Variants in PMP22 observed in about 807,000 individuals in gnomAD.
The protein encoded by PMP22 is Charcot-Marie-Tooth neuropathy 1A (greatly reduced nerve conduction velocity, hereditary motor sensory neuropathy Ia).
A neutral mutation model predicts 18.9 loss-of-function variants in PMP22; 2 were observed. The ratio of observed to expected loss-of-function variants is 0.11; its 90% confidence interval spans 0.04 to 0.33. The LOEUF is 0.33. Among genes scored for constraint, PMP22 ranks in the 10% least tolerant of loss-of-function variants. The pLI, the probability that PMP22 is intolerant of heterozygous loss-of-function variation, is 1.00. For missense variants in PMP22, 169 were observed against 202.2 expected (o/e 0.84, Z 1.00); for synonymous variants, 95 against 89.2 (o/e 1.07, Z -0.37).
At position 15,260,653 on chromosome 17, in the gene PMP22, G is replaced by A; in HGVS notation, c.75C>T (p.Val25=). ...VLVLLFVSTI[V]SQWIVGNGHA... ...AGCCTCCCCGCCAGGCACTCACGCT[G>A]ACGATCGTGGAGACGAACAGCAGCA... The change falls in exon 2 of 5, where the codon GTC becomes GTT. Residue 25 remains valine, a synonymous_variant. Transcript: ENST00000312280. 2 of 1,552,010 alleles carry A rather than the reference G, an allele frequency of 1.3e-6. No homozygotes were observed. The highest frequency in any genetic ancestry group is 1.2e-5 in the South Asian group (1 of 84,074).
intron 4 of PMP22, chr17:15,235,333 T>C: frequency 1.4e-6 from 1 of 717,362 alleles, no homozygotes; most frequent in Non-Finnish European, 2.6e-6. Flanking sequence ...AATAGTTTTA[T>C]TCAGGCTCCT....
At chr17:15,252,867 G>A (rs1034240556) in intron 3 of PMP22, among the ~76,000 whole-genome samples, 3 of 152,190 alleles carry the variant, frequency 2.0e-5, no homozygotes, top group Admixed American at 2.0e-4. Flanking sequence ...GGGCAAGCCA[G>A]GACTGTGCCC....
chr17:15,257,560 G>A (rs1908949783), intron 3 of PMP22, among the ~76,000 whole-genome samples: 1 of 152,226 alleles, frequency 6.6e-6, no homozygotes, highest in African/African-American at 2.4e-5. Flanking sequence ...CCCATCCGGA[G>A]TGCTCCGGGA....
chr17:15,259,046 G>T, intron 3 of PMP22, 48 bp downstream of exon 3: 1 of 1,339,634 alleles, frequency 7.5e-7, no homozygotes, highest in Non-Finnish European at 1.1e-6. Context: ...TGAGAAACGT[G>T]TTACAGGCGT....
chr17:15,260,629 G>A (rs944347750), intron 2 of PMP22, 21 bp downstream of exon 2: 2 of 1,546,652 alleles, frequency 1.3e-6, no homozygotes, highest in Non-Finnish European at 1.8e-6. Flanking sequence ...CGCGCAGGGA[G>A]CCTCCCCGCC....
At chr17:15,263,967 A>G (rs1567721782) in intron 1 of PMP22, among the ~76,000 whole-genome samples, 1 of 152,122 alleles carries the variant, frequency 6.6e-6, no homozygotes, top group Non-Finnish European at 1.5e-5. Flanking sequence ...AATTTGGGCA[A>G]TTTCTCAAGT....
chr17:15,231,817 A>T (rs559839085), intron 4 of PMP22, among the ~76,000 whole-genome samples: 55 of 152,306 alleles, frequency 3.6e-4, no homozygotes, highest in Non-Finnish European at 6.8e-4. Context: ...AGGGCACTGG[A>T]TATGCAGGTG....
intron 3 of PMP22, among the ~76,000 whole-genome samples, chr17:15,250,699 G>A (rs1373008807): frequency 6.6e-6 from 1 of 152,138 alleles, no homozygotes; most frequent in Admixed American, 6.5e-5. Context: ...CCTGTCATGA[G>A]ACCTGTTTTC....
intron 3 of PMP22, among the ~76,000 whole-genome samples, chr17:15,243,151 A>C (rs1907498588): frequency 6.6e-6 from 1 of 152,196 alleles, no homozygotes; most frequent in African/African-American, 2.4e-5. Flanking sequence ...AAGTCCAAAA[A>C]TTAATTGACT....
At position 15,239,572 on chromosome 17, in the gene PMP22, A is replaced by T. The variant is rs1049906036; in HGVS notation, c.218T>A (p.Ile73Asn). 1 of 1,613,866 alleles carries T rather than the reference A, an allele frequency of 6.2e-7. No homozygotes were observed. The highest frequency in any genetic ancestry group is 1.7e-5 in the Admixed American group (1 of 60,002). The change falls in exon 4 of 5, where the codon ATC (isoleucine) becomes AAC (asparagine). Residue 73 changes from isoleucine to asparagine, a missense_variant. Transcript: ENST00000312280. ...GAACAGAGACAGAATGCTGAAGATGATCGACAGGATCATGGTGGCCTGGAC... is the reference window on the plus strand; with the variant it reads ...GAACAGAGACAGAATGCTGAAGATGTTCGACAGGATCATGGTGGCCTGGAC... Reference protein sequence around the residue: ...QSVQATMILSIIFSILSLFLF... With the variant: ...QSVQATMILSNIFSILSLFLF...
At chr17:15,239,387 A>T in intron 4 of PMP22, 84 bp downstream of exon 4, 1 of 1,480,328 alleles carries the variant, frequency 6.8e-7, no homozygotes, top group Non-Finnish European at 9.5e-7. Flanking sequence ...AGTCATTCTG[A>T]GGCCACATCC....
At chr17:15,248,271 A>C (rs1488812162) in intron 3 of PMP22, among the ~76,000 whole-genome samples, 1 of 152,106 alleles carries the variant, frequency 6.6e-6, no homozygotes, top group Non-Finnish European at 1.5e-5. Context: ...AAGGCGATGA[A>C]GGTGACGTGG....
At chr17:15,257,219 T>C (rs865973774) in intron 3 of PMP22, among the ~76,000 whole-genome samples, 14 of 152,248 alleles carry the variant, frequency 9.2e-5, no homozygotes, top group Non-Finnish European at 1.0e-4. Flanking sequence ...CTTTGAGATC[T>C]GCTTCTAGCA....
chr17:15,233,854 C>T (rs1906566425), intron 4 of PMP22, among the ~76,000 whole-genome samples: 1 of 152,154 alleles, frequency 6.6e-6, no homozygotes, highest in Admixed American at 6.5e-5. Context: ...ACTGGAGAAG[C>T]CACACGGACT....
chr17:15,252,252 C>T (rs538029930), intron 3 of PMP22, among the ~76,000 whole-genome samples: 24 of 152,250 alleles, frequency 1.6e-4, no homozygotes, highest in African/African-American at 2.9e-4. Context: ...AGTCTGGGAT[C>T]GTTTTGAAGA....
intron 1 of PMP22, among the ~76,000 whole-genome samples, chr17:15,264,467 C>A (rs1196428198): frequency 1.3e-5 from 2 of 152,186 alleles, no homozygotes; most frequent in African/African-American, 2.4e-5. Flanking sequence ...TCTAAGTAAG[C>A]ACTTTAGAAA....
chr17:15,237,594 T>C (rs981521547), intron 4 of PMP22, among the ~76,000 whole-genome samples: 3 of 152,234 alleles, frequency 2.0e-5, no homozygotes, highest in African/African-American at 7.2e-5. Context: ...CTGCCTTGGA[T>C]TTTGTGTTCT....
chr17:15,254,927 C>A (rs1292765147), intron 3 of PMP22, among the ~76,000 whole-genome samples: 1 of 152,168 alleles, frequency 6.6e-6, no homozygotes, highest in Non-Finnish European at 1.5e-5. Context: ...CCACTGAACT[C>A]CAGCCTGGGC....
rs1452993371 is a variant in PMP22 at position 15,258,329 on chromosome 17, T to C, written c.178+765A>G. On this transcript the variant is annotated intron_variant, in intron 3 of 4. Transcript: ENST00000312280. The surrounding 1 kb of genome is among the most constrained non-coding windows in gnomAD (Gnocchi z 4.1). ...AGCTCATCCTGTTTACCTCCACCTG[T>C]CTGCATCCAAACACACAGGGCTCCT... Among the ~76,000 whole-genome samples, 2 of 152,148 alleles carry C rather than the reference T, an allele frequency of 1.3e-5. No homozygotes were observed. The highest frequency in any genetic ancestry group is 2.4e-5 in the African/African-American group (1 of 41,438).
Sources: gnomAD v4.1 joint callset for allele counts (sites outside exome capture counted in the v4.1 genomes callset) on GRCh38, gnomAD v4.1.1 for gene constraint, Gnocchi (gnomAD v3.1) non-coding constraint, MANE v1.5 for transcripts, NCBI Gene and HGNC (gene_info 2026-07-23, HGNC 2026-07-21) for gene names.